The following AGFG1 variants were observed in gnomAD, a reference collection of about 807,000 sequenced individuals.
The protein encoded by AGFG1 is ArfGAP with FG repeats 1.
A neutral mutation model predicts 60.6 loss-of-function variants in AGFG1; 10 were observed. That is an observed-to-expected ratio of 0.16 (90% CI 0.10 to 0.28). The LOEUF (loss-of-function observed/expected upper bound fraction) is 0.28. Ranked by LOEUF, AGFG1 falls within the 10% of genes least tolerant of loss-of-function variation. The probability of loss-of-function intolerance (pLI) is 1.00; values close to 1 mark genes in which losing one functional copy is unlikely to be tolerated. For synonymous variants in AGFG1, 247 were observed against 242.9 expected (o/e 1.02, Z -0.16); for missense variants, 537 against 676.5 (o/e 0.79, Z 2.29).
intron 10 of AGFG1, among the ~76,000 whole-genome samples, chr2:227,540,342 C>T (rs949528275): frequency 2.0e-5 from 3 of 152,026 alleles, no homozygotes; most frequent in Non-Finnish European, 2.9e-5. Context: ...ATCCCTCCCC[C>T]ACTCTACCCG....
At chr2:227,488,100 T>G (rs982830401) in intron 1 of AGFG1, among the ~76,000 whole-genome samples, 8 of 152,240 alleles carry the variant, frequency 5.3e-5, no homozygotes, top group African/African-American at 1.9e-4. Context: ...GAGAGCTCAT[T>G]TGAATAAATC....
At chr2:227,530,332 C>T (rs1353614536) in intron 5 of AGFG1, among the ~76,000 whole-genome samples, 1 of 152,132 alleles carries the variant, frequency 6.6e-6, no homozygotes, top group Non-Finnish European at 1.5e-5. Context: ...TTTCATTCTG[C>T]AGCACTTATA....
In AGFG1 at chr2:227,553,711, T is replaced by G; in HGVS notation, c.1545T>G (p.Gly515=). The change falls in exon 12 of 13, where the codon GGT becomes GGG. Residue 515 remains glycine, a synonymous_variant. Coordinates refer to ENST00000310078, the MANE Select transcript of AGFG1 (RefSeq NM_004504.5). Reference sequence around the variant, plus strand: ...TGGTTCTATTTTAACAAGGTGCAGGTTTTGCAGCATTTGGACAAACAAAGC... The same window carrying G: ...TGGTTCTATTTTAACAAGGTGCAGGGTTTGCAGCATTTGGACAAACAAAGC... The part of the protein sequence containing the change: ...TAFSQQPNGA[G]FAAFGQTKPV... 1 of 1,613,708 alleles carries G rather than the reference T, an allele frequency of 6.2e-7. No homozygotes were observed. The highest frequency in any genetic ancestry group is 8.5e-7 in the Non-Finnish European group (1 of 1,179,722).
chr2:227,495,569 T>C (rs1690948344), intron 2 of AGFG1, among the ~76,000 whole-genome samples: 1 of 149,774 alleles, frequency 6.7e-6, no homozygotes, highest in African/African-American at 2.5e-5. Context: ...AAAAAATCTA[T>C]AGTGATTTTC....
At chr2:227,514,727 G>T (rs1691603847) in intron 2 of AGFG1, among the ~76,000 whole-genome samples, 1 of 152,040 alleles carries the variant, frequency 6.6e-6, no homozygotes, top group Non-Finnish European at 1.5e-5. Flanking sequence ...TCTACAATTA[G>T]AATTGATTAT....
chr2:227,522,097 A>G (rs929117487), intron 3 of AGFG1, among the ~76,000 whole-genome samples: 1 of 152,238 alleles, frequency 6.6e-6, no homozygotes, highest in Admixed American at 6.5e-5. Context: ...TAAAACAGTG[A>G]TGATGGTGTT....
At chr2:227,535,134 A>G (rs1246376832) in intron 8 of AGFG1, 109 bp downstream of exon 8, 6 of 1,226,350 alleles carry the variant, frequency 4.9e-6, no homozygotes, top group Non-Finnish European at 5.4e-6. Flanking sequence ...AAATTCTTGG[A>G]TATTTTTGTA....
At chr2:227,473,438 A>C (rs1690181537) in intron 1 of AGFG1, among the ~76,000 whole-genome samples, 1 of 152,194 alleles carries the variant, frequency 6.6e-6, no homozygotes, top group Non-Finnish European at 1.5e-5. Flanking sequence ...TCAATACCCG[A>C]GTGCCCTGGC....
At position 227,533,552 on chromosome 2, in the gene AGFG1, G is replaced by A; in HGVS notation, c.818G>A (p.Gly273Glu). The change falls in exon 7 of 13, where the codon GGA (glycine) becomes GAA (glutamate). Residue 273 changes from glycine to glutamate, a missense_variant. Transcript: ENST00000310078. ...TGCTCTGTTTATTCTGTTACAGGTG[G>A]AAGTGCTGCATCAGTAAATGCTAAT... Reference protein sequence around the residue: ...HSPFQPQTTGGSAASVNANFA... With the variant: ...HSPFQPQTTGESAASVNANFA... 1 of 1,613,282 alleles carries A rather than the reference G, an allele frequency of 6.2e-7. No homozygotes were observed. The highest frequency in any genetic ancestry group is 8.5e-7 in the Non-Finnish European group (1 of 1,179,448).
intron 2 of AGFG1, among the ~76,000 whole-genome samples, chr2:227,515,948 G>A (rs1691637613): frequency 6.6e-6 from 1 of 152,176 alleles, no homozygotes; most frequent in Admixed American, 6.5e-5. Context: ...AGAGATTGAT[G>A]TTTTCCCAGG....
chr2:227,521,075 T>G (rs1691812628), intron 3 of AGFG1, among the ~76,000 whole-genome samples: 1 of 152,190 alleles, frequency 6.6e-6, no homozygotes, highest in Non-Finnish European at 1.5e-5. Flanking sequence ...ATTTTTCTTT[T>G]TTTTTTGGAG....
At chr2:227,518,622 C>T (rs558527367) in intron 2 of AGFG1, among the ~76,000 whole-genome samples, 22 of 149,294 alleles carry the variant, frequency 1.5e-4, no homozygotes, top group Admixed American at 9.5e-4. Flanking sequence ...TTCCTGGGTT[C>T]AAGCCATTCT....
At chr2:227,533,461 T>G (rs1201040885) in intron 6 of AGFG1, 88 bp from the exon 7 acceptor site, 25 of 1,176,470 alleles carry the variant, frequency 2.1e-5, no homozygotes, top group Admixed American at 1.0e-4. Flanking sequence ...TATAGGACAT[T>G]TAATTTAGGA....
intron 1 of AGFG1, among the ~76,000 whole-genome samples, chr2:227,484,961 T>C (rs929614231): frequency 4.6e-5 from 7 of 151,936 alleles, no homozygotes; most frequent in Admixed American, 4.6e-4. Flanking sequence ...CTGCCCACCT[T>C]GGCCTCCTAA....
intron 10 of AGFG1, 67 bp from the exon 11 acceptor site, chr2:227,551,892 T>C: frequency 6.5e-7 from 1 of 1,542,722 alleles, no homozygotes; most frequent in East Asian, 2.3e-5. Context: ...CTTTTTACAT[T>C]TACAATGTTG....
At chr2:227,491,735 C>T (rs767439709) in intron 2 of AGFG1, 95 bp downstream of exon 2, 63 of 661,540 alleles carry the variant, frequency 9.5e-5, no homozygotes, top group Non-Finnish European at 1.4e-4. Context: ...TTGAATTTCA[C>T]GGTCTAAATA....
intron 10 of AGFG1, among the ~76,000 whole-genome samples, chr2:227,538,693 A>G (rs1344854808): frequency 6.6e-6 from 1 of 152,168 alleles, no homozygotes; most frequent in African/African-American, 2.4e-5. Flanking sequence ...AATCAGACCT[A>G]TTATTTTCCT....
chr2:227,549,995 T>A (rs1692772293), intron 10 of AGFG1: 1 of 438,182 alleles, frequency 2.3e-6, no homozygotes. Flanking sequence ...ACAAGTATAC[T>A]TTTATTTTAA....
At chr2:227,513,483 G>T (rs532391245) in intron 2 of AGFG1, among the ~76,000 whole-genome samples, 1 of 152,128 alleles carries the variant, frequency 6.6e-6, no homozygotes, top group Non-Finnish European at 1.5e-5. Context: ...TAGCCTGGCC[G>T]CATCCTTCCA....
Sources: gnomAD v4.1 joint callset for allele counts (sites outside exome capture counted in the v4.1 genomes callset) on GRCh38, gnomAD v4.1.1 for gene constraint, MANE v1.5 for transcripts, NCBI Gene and HGNC (gene_info 2026-07-23, HGNC 2026-07-21) for gene names.